The following OTOF variants were observed in gnomAD, a reference collection of about 807,000 sequenced individuals.
OTOF encodes fer-1-like family member 2.
Under a neutral mutation model 236.8 loss-of-function variants are expected in OTOF, and 218 were observed. The observed-to-expected ratio is 0.92, with a 90% CI of 0.82 to 1.03. The LOEUF is 1.03. Among genes scored for constraint, OTOF ranks in the 50% least tolerant of loss-of-function variants. OTOF has a pLI of 0.00. For synonymous variants in OTOF, 1,041 were observed against 1,072.5 expected, an observed-to-expected ratio of 0.97 and a Z score of 0.57; for missense variants, 2,590 against 2,694.4, an observed-to-expected ratio of 0.96 and a Z score of 0.86.
chr2:26,504,104 A>G (rs542576175), intron 5 of OTOF, among the ~76,000 whole-genome samples: 1 of 152,224 alleles, frequency 6.6e-6, no homozygotes, highest in East Asian at 1.9e-4. Context: ...GGTCCCCAGC[A>G]AGCAGGGAAC....
intron 1 of OTOF, among the ~76,000 whole-genome samples, chr2:26,553,428 C>T (rs1313804821): frequency 2.6e-5 from 4 of 152,202 alleles, no homozygotes; most frequent in Non-Finnish European, 5.9e-5. Context: ...CCTCCTCCTG[C>T]TCCTTTTCCC....
intron 4 of OTOF, among the ~76,000 whole-genome samples, chr2:26,518,443 G>A (rs1666589503): frequency 6.6e-6 from 1 of 152,252 alleles, no homozygotes; most frequent in African/African-American, 2.4e-5. Context: ...AGTGGCCACG[G>A]CTGAGCTCAA....
At position 26,473,201 on chromosome 2, in the gene OTOF, C is replaced by T; in HGVS notation, c.3664G>A (p.Ala1222Thr). Residue 1222 changes from alanine to threonine, a missense_variant, in exon 29 of 47, where the codon GCC (alanine) becomes ACC (threonine). Ala to Thr is a moderately conservative substitution (Grantham distance 58, BLOSUM62 0). Transcript: ENST00000272371. The surrounding 1 kb of genome is among the most constrained non-coding windows in gnomAD (Gnocchi z 7.2). ...ATGAAGCGTCGCAGGGAGCTGACGG[C>T]ATGGGAGCCCACCAGTGTGTAGCGA... ...FGRYTLVGSH[A>T]VSSLRRFIYR... 1 of 1,613,188 alleles carries T rather than the reference C, an allele frequency of 6.2e-7. No individual in the cohort carries two copies. Among genetic ancestry groups the T allele is most frequent in the Non-Finnish European group, 8.5e-7 (1 of 1,180,004 alleles).
intron 8 of OTOF, among the ~76,000 whole-genome samples, chr2:26,495,689 G>A (rs956530952): frequency 2.0e-5 from 3 of 151,870 alleles, no homozygotes; most frequent in African/African-American, 7.3e-5. Context: ...GCCTCCCAAA[G>A]TGCTGGAATT....
intron 1 of OTOF, among the ~76,000 whole-genome samples, chr2:26,553,756 C>T (rs1191780167): frequency 6.6e-6 from 1 of 152,186 alleles, no homozygotes. Flanking sequence ...CAACTCAGAG[C>T]CTGCTCCCAC....
chr2:26,482,613 G>A (rs767879199), intron 13 of OTOF, 21 bp from the exon 14 acceptor site: 21 of 1,608,136 alleles, frequency 1.3e-5, no homozygotes, highest in Admixed American at 3.3e-5. Flanking sequence ...GGGGAGCACA[G>A]GTGAGGGCGT....
intron 3 of OTOF, among the ~76,000 whole-genome samples, chr2:26,526,221 G>T (rs1666800480): frequency 6.6e-6 from 1 of 151,572 alleles, no homozygotes; most frequent in Admixed American, 6.6e-5. Flanking sequence ...GGAAGGATTG[G>T]GTTGATGAAT....
intron 18 of OTOF, 38 bp downstream of exon 18, chr2:26,479,226 A>G: frequency 1.2e-6 from 2 of 1,609,718 alleles, no homozygotes; most frequent in Non-Finnish European, 8.5e-7. Flanking sequence ...CGTCTCCCCC[A>G]GGACCCCACC....
intron 5 of OTOF, among the ~76,000 whole-genome samples, chr2:26,508,573 C>T (rs868247479): frequency 5.9e-5 from 9 of 152,292 alleles, no homozygotes; most frequent in Admixed American, 5.2e-4. Flanking sequence ...TTCTTGCTGG[C>T]GGCCCAGCCC....
At chr2:26,503,746 C>CG in intron 6 of OTOF, 26 bp downstream of exon 6, 1 of 1,603,846 alleles carries the variant, frequency 6.2e-7, no homozygotes, top group Non-Finnish European at 8.5e-7. Context: ...CGCGGGGCTG[C>CG]GGGGCTCACG....
At position 26,467,174 on chromosome 2, in the gene OTOF, G is replaced by A; in HGVS notation, c.4287C>T (p.Phe1429=). Residue 1429 remains phenylalanine, a synonymous_variant, in exon 35 of 47, where the codon TTC becomes TTT. Coordinates refer to ENST00000272371, the MANE Select transcript of OTOF (RefSeq NM_194248.3). ...FDNFEDWLHT[F]NLLRGKTGDD... is the part of the protein sequence containing the mutation. ...CCCCGGTCTTGCCCCGAAGCAAGTTGAAAGTGTGCAGCCAGTCCTCAAAGT... is the reference window on the plus strand; with the variant it reads ...CCCCGGTCTTGCCCCGAAGCAAGTTAAAAGTGTGCAGCCAGTCCTCAAAGT... 1.2e-6 allele frequency: 2 copies of A among 1,614,156 alleles called. No homozygotes were observed. The highest frequency in any genetic ancestry group is 8.5e-7 in the Non-Finnish European group (1 of 1,180,026).
chr2:26,502,257 C>G (rs548836738), intron 7 of OTOF, 43 bp downstream of exon 7: 1 of 1,611,866 alleles, frequency 6.2e-7, no homozygotes, highest in East Asian at 2.2e-5. Flanking sequence ...TCCTGCCTGA[C>G]AGGGTGGGGG....
rs201594507 is a variant in OTOF, at chr2:26,458,118, C to T, written c.*120G>A. On this transcript the variant is annotated 3_prime_UTR_variant, in exon 47 of 47. Coordinates refer to ENST00000272371, the MANE Select transcript of OTOF (RefSeq NM_194248.3). ...GCCCCAACATGAGCAGCCCCAACAG[C>T]GCCAGCACGATCTTGATGATGAGCC... 20 of 1,614,126 alleles carry T rather than the reference C, an allele frequency of 1.2e-5. No homozygotes were observed. In the East Asian group the frequency reaches 1.6e-4, roughly 13 times the overall value.
chr2:26,481,838 G>A (rs1360476687), intron 14 of OTOF, among the ~76,000 whole-genome samples: 1 of 152,122 alleles, frequency 6.6e-6, no homozygotes, highest in African/African-American at 2.4e-5. Context: ...ACATGGATCA[G>A]ACAACATGTG....
chr2:26,502,464 A>G, intron 6 of OTOF, 38 bp from the exon 7 acceptor site: 2 of 1,599,650 alleles, frequency 1.3e-6, no homozygotes, highest in Non-Finnish European at 1.7e-6. Context: ...GGGCTGACTG[A>G]TGGTGAGATA....
At chr2:26,556,680 G>A (rs1667593367) in intron 1 of OTOF, among the ~76,000 whole-genome samples, 1 of 152,200 alleles carries the variant, frequency 6.6e-6, no homozygotes, top group Non-Finnish European at 1.5e-5. Context: ...GAGCTTGCAA[G>A]ATTGAGTACT....
intron 5 of OTOF, among the ~76,000 whole-genome samples, chr2:26,505,564 TCTC>T (rs1342745181): frequency 6.6e-6 from 1 of 152,036 alleles, no homozygotes; most frequent in African/African-American, 2.4e-5. Context: ...GCCACATACT[TCTC>T]CTCATTCAAC....
At chr2:26,532,562 C>A (rs1666975827) in intron 2 of OTOF, among the ~76,000 whole-genome samples, 1 of 152,184 alleles carries the variant, frequency 6.6e-6, no homozygotes, top group Non-Finnish European at 1.5e-5. Flanking sequence ...GGGGATGGTC[C>A]TGGATAGTTC....
chr2:26,458,527 T>C (rs1301516509), intron 46 of OTOF, among the ~76,000 whole-genome samples: 1 of 152,228 alleles, frequency 6.6e-6, no homozygotes, highest in Non-Finnish European at 1.5e-5. Context: ...TGCGGTTAGC[T>C]CGTTCTATGT....
Sources: allele counts gnomAD v4.1 joint callset (sites outside exome capture counted in the v4.1 genomes callset), GRCh38; gene constraint gnomAD v4.1.1; non-coding constraint Gnocchi (gnomAD v3.1); transcripts MANE v1.5; gene names NCBI Gene and HGNC (gene_info 2026-07-23, HGNC 2026-07-21).